Variants in CDH4 observed in about 807,000 individuals in gnomAD.
The protein encoded by CDH4 is cadherin 4, also known as cadherin-4.
Under a neutral mutation model 86.0 loss-of-function variants are expected in CDH4, and 33 were observed. That is an observed-to-expected ratio of 0.38 (90% CI 0.29 to 0.51). The LOEUF (loss-of-function observed/expected upper bound fraction) is 0.51. CDH4 is among the 20% of genes least tolerant of loss of function. The pLI is 0.86. For synonymous variants in CDH4, 555 were observed against 549.4 expected, an observed-to-expected ratio of 1.01 and a Z score of -0.14; for missense variants, 1,114 against 1,307.4, an observed-to-expected ratio of 0.85 and a Z score of 2.28.
At chr20:61,824,858 A>G (rs2146072572) in intron 4 of CDH4, among the ~76,000 whole-genome samples, 1 of 152,346 alleles carries the variant, frequency 6.6e-6, no homozygotes, top group South Asian at 2.1e-4. Flanking sequence ...TCCTAAGACC[A>G]CAAAGTGAAT....
At chr20:61,777,259 G>C (rs1434053162) in intron 4 of CDH4, among the ~76,000 whole-genome samples, 2 of 152,222 alleles carry the variant, frequency 1.3e-5, no homozygotes, top group Non-Finnish European at 2.9e-5. Flanking sequence ...GAATGAATGA[G>C]TGAGTGAGTG....
chr20:61,746,557 G>T (rs1426711100), intron 3 of CDH4, among the ~76,000 whole-genome samples: 3 of 152,180 alleles, frequency 2.0e-5, no homozygotes, highest in Admixed American at 1.3e-4. Flanking sequence ...GACTTTGCAG[G>T]TATGGCAGAG....
At chr20:61,865,975 T>C (rs1983531096) in intron 6 of CDH4, among the ~76,000 whole-genome samples, 1 of 152,182 alleles carries the variant, frequency 6.6e-6, no homozygotes, top group South Asian at 2.1e-4. Flanking sequence ...TGGTCATTGC[T>C]CGTGTTTATA....
chr20:61,909,589 C>T (rs2054827734), intron 8 of CDH4, among the ~76,000 whole-genome samples: 1 of 152,158 alleles, frequency 6.6e-6, no homozygotes. Flanking sequence ...CCTGGTGTTC[C>T]TGGGCTTGTG....
intron 2 of CDH4, among the ~76,000 whole-genome samples, chr20:61,660,377 A>G (rs1325284929): frequency 6.6e-6 from 1 of 152,222 alleles, no homozygotes; most frequent in African/African-American, 2.4e-5. Flanking sequence ...TGAATCAGAC[A>G]TATTAGACAG....
At chr20:61,689,017 C>T (rs1437317769) in intron 2 of CDH4, among the ~76,000 whole-genome samples, 1 of 152,268 alleles carries the variant, frequency 6.6e-6, no homozygotes, top group African/African-American at 2.4e-5. Context: ...GCTCCCTCCT[C>T]GCCTTCCCTG....
chr20:61,314,258 A>ACCAACAGCTCCCCTCTCC (rs1163844526), intron 2 of CDH4, among the ~76,000 whole-genome samples: 1 of 152,124 alleles, frequency 6.6e-6, no homozygotes, highest in East Asian at 1.9e-4. Flanking sequence ...GTCCCCTTTG[A>ACCAACAGCTCCCCTCTCC]CCAACAGCTC....
At chr20:61,341,907 T>C (rs2084651139) in intron 2 of CDH4, among the ~76,000 whole-genome samples, 1 of 152,146 alleles carries the variant, frequency 6.6e-6, no homozygotes, top group Admixed American at 6.5e-5. Context: ...GGGGTTTGCG[T>C]CTCCTTTTCT....
intron 1 of CDH4, among the ~76,000 whole-genome samples, chr20:61,253,670 C>T (rs1374262078): frequency 2.0e-5 from 3 of 152,176 alleles, no homozygotes; most frequent in Admixed American, 1.3e-4. Context: ...TGAAGAAAGC[C>T]GCGGTTTAGA....
chr20:61,896,906 G>A (rs1222300900), intron 8 of CDH4, among the ~76,000 whole-genome samples: 1 of 152,176 alleles, frequency 6.6e-6, no homozygotes, highest in East Asian at 1.9e-4. Context: ...GAAAGAAAAG[G>A]AAGTGATGGC....
chr20:61,417,773 G>A lies in CDH4; in HGVS notation c.169+162836G>A, dbSNP rs534892313. Among the ~76,000 whole-genome samples the A allele has an allele frequency of 2.0e-5, 3 of 152,196 alleles. No homozygotes were observed. The highest frequency in any genetic ancestry group is 3.9e-4 in the East Asian group (2 of 5,150). ...GGAGCCTTGACCTGACAAGGTCCTCGAGGCCAGGCGAGGTCTCAGGAAGTC... is the reference window on the plus strand; with the variant it reads ...GGAGCCTTGACCTGACAAGGTCCTCAAGGCCAGGCGAGGTCTCAGGAAGTC... On this transcript the variant is annotated intron_variant, in intron 2 of 15. Coordinates refer to ENST00000614565, the MANE Select transcript of CDH4 (RefSeq NM_001794.5). This position sits in a 1 kb window ranked among gnomAD's most constrained non-coding sequence, Gnocchi z 4.0.
At chr20:61,785,248 A>G (rs1887188982) in intron 4 of CDH4, among the ~76,000 whole-genome samples, 1 of 152,040 alleles carries the variant, frequency 6.6e-6, no homozygotes, top group African/African-American at 2.4e-5. Flanking sequence ...ACCACGTGGC[A>G]TTTCCTCATG....
intron 13 of CDH4, among the ~76,000 whole-genome samples, chr20:61,930,875 C>CG (rs1050339851): frequency 2.0e-5 from 3 of 152,236 alleles, no homozygotes; most frequent in Non-Finnish European, 4.4e-5. Context: ...CTGGAAACAC[C>CG]GGGGGCCAGG....
intron 2 of CDH4, among the ~76,000 whole-genome samples, chr20:61,588,516 A>G (rs1056971181): frequency 6.6e-5 from 10 of 152,372 alleles, no homozygotes; most frequent in African/African-American, 2.4e-4. Flanking sequence ...AGACACGAGT[A>G]GCCGTGTTTT....
chr20:61,764,304 G>A lies in CDH4; in HGVS notation c.397-8699G>A, dbSNP rs1395911881. Among the ~76,000 whole-genome samples the A allele has an allele frequency of 3.9e-5, 6 of 152,184 alleles. No homozygotes were observed. The East Asian group carries it at 9.6e-4, about 24-fold the overall frequency. ...ACCCCGGGGCCACCGACTTCCAGTC[G>A]AACGGAAGTTGTCTTTGTCTGTGTG... On this transcript the variant is annotated intron_variant, in intron 3 of 15. Transcript: ENST00000614565.
rs1201610781 is a variant in CDH4 at position 61,320,933 on chromosome 20, A to G, written c.169+65996A>G. Among the ~76,000 whole-genome samples, 5 of 152,200 alleles carry G rather than the reference A, an allele frequency of 3.3e-5. No individual in the cohort carries two copies. In the East Asian group the frequency reaches 9.7e-4, roughly 30 times the overall value. On this transcript the variant is annotated intron_variant, in intron 2 of 15. Transcript: ENST00000614565. ...CAGGCTCCAGGCCTAGGCGGGAGCC[A>G]GGGGAGCTCCTCTTCCTGCCCCTGC...
chr20:61,655,369 GACACACACACTTAC>G (rs962363963), intron 2 of CDH4, among the ~76,000 whole-genome samples: 4 of 152,108 alleles, frequency 2.6e-5, no homozygotes, highest in East Asian at 3.9e-4. Context: ...AGTACACACT[GACACACACACTTAC>G]ACACACACAC....
intron 2 of CDH4, among the ~76,000 whole-genome samples, chr20:61,538,446 C>A (rs910642603): frequency 1.3e-5 from 2 of 152,022 alleles, no homozygotes; most frequent in Non-Finnish European, 2.9e-5. Flanking sequence ...ATGCCCCAAC[C>A]CAGAGCCGGA....
intron 2 of CDH4, among the ~76,000 whole-genome samples, chr20:61,599,089 T>G (rs781496450): frequency 1.5e-4 from 23 of 152,298 alleles, no homozygotes; most frequent in Admixed American, 9.1e-4. Context: ...GTTCCCACTC[T>G]CCTTTTCAGG....
Sources: allele counts gnomAD v4.1 joint callset (sites outside exome capture counted in the v4.1 genomes callset), GRCh38; gene constraint gnomAD v4.1.1; non-coding constraint Gnocchi (gnomAD v3.1); transcripts MANE v1.5; gene names NCBI Gene and HGNC (gene_info 2026-07-23, HGNC 2026-07-21).